AGBL3: variants seen among roughly 807,000 people sequenced by gnomAD.
AGBL3 encodes the protein cytosolic carboxypeptidase 3.
A neutral mutation model predicts 94.5 loss-of-function variants in AGBL3; 68 were observed. That is an observed-to-expected ratio of 0.72 (90% confidence interval 0.59 to 0.88). AGBL3 has a LOEUF of 0.88. AGBL3 is among the 40% of genes least tolerant of loss of function. The probability of loss-of-function intolerance (pLI) is 0.00; values close to 1 mark genes in which losing one functional copy is unlikely to be tolerated. For synonymous variants in AGBL3, 354 were observed against 370.7 expected, an observed-to-expected ratio of 0.95 and a Z score of 0.52; for missense variants, 934 against 1,103.8, an observed-to-expected ratio of 0.85 and a Z score of 2.18.
chr7:135,078,650 T>C (rs1411169220), intron 13 of AGBL3, among the ~76,000 whole-genome samples: 1 of 152,216 alleles, frequency 6.6e-6, no homozygotes, highest in African/African-American at 2.4e-5. Context: ...TGTATTTGCG[T>C]CTTTCTTGAT....
At chr7:135,026,293 G>T (rs1418130767) in intron 5 of AGBL3, among the ~76,000 whole-genome samples, 7 of 5,724 alleles carry the variant, frequency 1.2e-3, no homozygotes, top group South Asian at 0.012. Context: ...TTTTATTTTA[G>T]AGATGGAGGC....
chr7:135,116,579 T>A (rs1048422458), intron 16 of AGBL3, among the ~76,000 whole-genome samples: 4 of 152,146 alleles, frequency 2.6e-5, no homozygotes, highest in African/African-American at 9.7e-5. Context: ...GGCTCCCCAT[T>A]TGGTTTCCAA....
chr7:135,048,120 A>G (rs1303493926), intron 11 of AGBL3, among the ~76,000 whole-genome samples: 1 of 151,722 alleles, frequency 6.6e-6, no homozygotes, highest in Non-Finnish European at 1.5e-5. Context: ...TTCTTTTCCC[A>G]TTGTGTATCC....
In AGBL3 at chr7:135,065,396, G is replaced by T. The variant is rs573285170; in HGVS notation, c.1908+6161G>T. Among the ~76,000 whole-genome samples the T allele has an allele frequency of 2.6e-5, 4 of 152,292 alleles. No homozygotes were observed. In the East Asian group the frequency reaches 7.7e-4, roughly 29 times the overall value. ...AGCAAACTTGAGCAAGAACAACAAAGCTGGAGGCATCACACTTCCTGATTT... is the reference window on the plus strand; with the variant it reads ...AGCAAACTTGAGCAAGAACAACAAATCTGGAGGCATCACACTTCCTGATTT... On this transcript the variant is annotated intron_variant, in intron 12 of 16. Transcript: ENST00000436302.
intron 15 of AGBL3, among the ~76,000 whole-genome samples, chr7:135,084,437 T>C (rs970465621): frequency 1.3e-5 from 2 of 152,162 alleles, no homozygotes; most frequent in Non-Finnish European, 2.9e-5. Context: ...CTAGTCCCTA[T>C]TCCTCCTATG....
chr7:135,105,336 C>A (rs1585142943), intron 15 of AGBL3, among the ~76,000 whole-genome samples: 1 of 48,270 alleles, frequency 2.1e-5, no homozygotes, highest in Non-Finnish European at 5.5e-5. Context: ...TCCCAAAGTG[C>A]TGGGATTACA....
chr7:135,028,143 G>C (rs1815347071), intron 5 of AGBL3, among the ~76,000 whole-genome samples: 1 of 151,622 alleles, frequency 6.6e-6, no homozygotes, highest in South Asian at 2.1e-4. Context: ...GGAGGATTTT[G>C]TCTCAGTGTT....
chr7:135,022,411 T>C (rs1325662849), intron 5 of AGBL3, among the ~76,000 whole-genome samples: 1 of 152,246 alleles, frequency 6.6e-6, no homozygotes, highest in African/African-American at 2.4e-5. Flanking sequence ...ATTTCTCTAA[T>C]GACCAGTGAT....
At chr7:135,010,312 T>G (rs12534873) in intron 4 of AGBL3, 232,604 of 244,086 alleles carry the variant, frequency 0.95, 111,742 homozygotes, top group Non-Finnish European at 1. Context: ...TTTTGTTGTT[T>G]TTTTTTTTTT....
rs1036730330 is a variant in AGBL3 at position 135,080,025 on chromosome 7, C to T, written c.1981-178C>T. Among the ~76,000 whole-genome samples the T allele has an allele frequency of 5.9e-5, 9 of 151,862 alleles. No individual in the cohort carries two copies. In the South Asian group the frequency reaches 1.0e-3, roughly 18 times the overall value. Reference sequence around the variant, plus strand: ...ACTCATTGATGCAGGAGAAAAGTAGCGTAGGGAAAAATATTAGAAGACTCT... The same window carrying T: ...ACTCATTGATGCAGGAGAAAAGTAGTGTAGGGAAAAATATTAGAAGACTCT... On this transcript the variant is annotated intron_variant, in intron 13 of 16. Coordinates refer to ENST00000436302, the MANE Select transcript of AGBL3 (RefSeq NM_178563.4).
intron 8 of AGBL3, among the ~76,000 whole-genome samples, chr7:135,040,068 AG>A (rs1411336746): frequency 6.6e-6 from 1 of 152,170 alleles, no homozygotes; most frequent in East Asian, 1.9e-4. Flanking sequence ...AAGGACAATA[AG>A]GGGAAATTCA....
chr7:135,031,843 C>T (rs937932363), intron 5 of AGBL3, among the ~76,000 whole-genome samples: 2 of 152,140 alleles, frequency 1.3e-5, no homozygotes, highest in African/African-American at 4.8e-5. Context: ...TGTCCTCTGG[C>T]ATCTCAGCCC....
intron 13 of AGBL3, 85 bp downstream of exon 13, chr7:135,076,553 C>T (rs926761209): frequency 6.8e-6 from 7 of 1,024,422 alleles, no homozygotes; most frequent in Non-Finnish European, 8.6e-6. Context: ...ACTTCTTATA[C>T]CCGAATTTTC....
At chr7:134,993,926 T>A (rs2133376572) in intron 4 of AGBL3, among the ~76,000 whole-genome samples, 1 of 152,360 alleles carries the variant, frequency 6.6e-6, no homozygotes, top group Admixed American at 6.5e-5. Flanking sequence ...ATTCTTTTTG[T>A]CCAAAGTCTT....
chr7:135,049,376 G>A (rs577388109), intron 11 of AGBL3, among the ~76,000 whole-genome samples: 2 of 152,060 alleles, frequency 1.3e-5, no homozygotes, highest in South Asian at 4.1e-4. Context: ...ATATTAGCCT[G>A]TGGCTTCCTT....
chr7:135,082,558 C>A, intron 15 of AGBL3, among the ~76,000 whole-genome samples: 1 of 113,868 alleles, frequency 8.8e-6, no homozygotes, highest in Non-Finnish European at 2.0e-5. Context: ...TCCATTAATG[C>A]AGTTTAAGAT....
chr7:135,105,261 G>A (rs1824506347), intron 15 of AGBL3, among the ~76,000 whole-genome samples: 1 of 151,982 alleles, frequency 6.6e-6, no homozygotes, highest in Non-Finnish European at 1.5e-5. Context: ...GTAGGGATGG[G>A]GTTTCACCAT....
At chr7:135,016,511 G>C (rs1813825587) in intron 4 of AGBL3, among the ~76,000 whole-genome samples, 1 of 151,998 alleles carries the variant, frequency 6.6e-6, no homozygotes, top group Non-Finnish European at 1.5e-5. Flanking sequence ...GTCATGGTCA[G>C]AAAGACCTGA....
chr7:134,993,647 T>C lies in AGBL3; in HGVS notation c.279T>C (p.Cys93=). ...GCCCAACACGGTGGCCATACCATTG[T>C]GAAGTCATCGATGAAAAAGTCCAGC... is the stretch of plus-strand genomic sequence containing the variant. The part of the protein sequence containing the change: ...PLSPTRWPYH[C]EVIDEKVQHI... The change falls in exon 4 of 17, where the codon TGT becomes TGC. Residue 93 remains cysteine (C), a synonymous_variant. Transcript: ENST00000436302. 1 of 1,551,318 alleles carries C rather than the reference T, an allele frequency of 6.4e-7. No homozygotes were observed.
Sources: gnomAD v4.1 joint callset for allele counts (sites outside exome capture counted in the v4.1 genomes callset) on GRCh38, gnomAD v4.1.1 for gene constraint, MANE v1.5 for transcripts, NCBI Gene and HGNC (gene_info 2026-07-23, HGNC 2026-07-21) for gene names.